CREG1: variants seen among roughly 807,000 people sequenced by gnomAD.
CREG1 encodes protein CREG1.
CREG1 carries 20 observed loss-of-function variants against 19.9 expected under a neutral mutation model. The ratio of observed to expected loss-of-function variants is 1.01; its 90% CI spans 0.71 to 1.46. CREG1 has a LOEUF of 1.46. CREG1 is among the 40% of genes most tolerant of loss of function. CREG1 has a pLI of 0.00. For missense variants in CREG1, 290 were observed against 314.9 expected (o/e 0.92, Z 0.60); for synonymous variants, 141 against 143.3 (o/e 0.98, Z 0.12).
chr1:167,541,921 A>T lies in CREG1; in HGVS notation c.*377T>A, dbSNP rs774168917. On this transcript the variant is annotated 3_prime_UTR_variant, in exon 4 of 4. Transcript: ENST00000370509. ...TCTACCAAGCACAGTGGCTTCTAGG[A>T]ATAAAGAACACATACTCAACTACCT... 21 of 168,378 alleles carry T rather than the reference A, an allele frequency of 1.2e-4. No homozygotes were observed. Among genetic ancestry groups the T allele is most frequent in the Non-Finnish European group, 2.4e-4 (19 of 78,654 alleles). The allele number at this position is 168,378 out of a possible 1,614,324, so 10.4% of individuals were successfully genotyped here.
rs908640832 is a variant in CREG1 at position 167,541,672 on chromosome 1, T to G, written c.*626A>C. 2 of 152,220 alleles carry G rather than the reference T, an allele frequency of 1.3e-5. No homozygotes were observed. The highest frequency in any genetic ancestry group is 2.9e-5 in the Non-Finnish European group (2 of 68,038). 9.4% of individuals were successfully genotyped at this position (152,220 alleles called of 1,614,324 possible). The stretch of plus-strand genomic sequence containing the variant: ...TTGTTCTGAGTATCACTTTAGAGTA[T>G]AAAAAGTTTTTCAAAAGTTCTTTAT... On this transcript the variant is annotated 3_prime_UTR_variant, in exon 4 of 4. Transcript: ENST00000370509.
chr1:167,542,389 A>C, intron 3 of CREG1, 88 bp from the exon 4 acceptor site: 1 of 1,258,330 alleles, frequency 7.9e-7, no homozygotes, highest in Non-Finnish European at 1.1e-6. Flanking sequence ...GACTAGATAA[A>C]ATTTCTGATC....
chr1:167,551,452 C>T (rs998436244), intron 1 of CREG1, among the ~76,000 whole-genome samples: 1 of 152,282 alleles, frequency 6.6e-6, no homozygotes, highest in South Asian at 2.1e-4. Flanking sequence ...CTTGCCACTG[C>T]CCTGTCTATT....
intron 1 of CREG1, among the ~76,000 whole-genome samples, chr1:167,552,001 C>T (rs1249148203): frequency 2.0e-5 from 3 of 152,150 alleles, no homozygotes; most frequent in Non-Finnish European, 4.4e-5. Flanking sequence ...AAAGTAAAAT[C>T]TAAATTTTAA....
In CREG1 at chr1:167,542,322, G is replaced by C. The variant is rs761052960; in HGVS notation, c.660-21C>G. ...TTCACCTAGAAAGGGGAACAGAGAA[G>C]AATTATTTTGTTAAACTGGGTTAAC... is the stretch of plus-strand genomic sequence containing the variant. On this transcript the variant is annotated intron_variant, in intron 3 of 3. Transcript: ENST00000370509. 4 of 1,596,630 alleles carry C rather than the reference G, an allele frequency of 2.5e-6. No homozygotes were observed. In the Admixed American group the frequency reaches 5.3e-5, roughly 21 times the overall value.
intron 2 of CREG1, among the ~76,000 whole-genome samples, chr1:167,546,597 G>A (rs1198704225): frequency 6.6e-6 from 1 of 151,924 alleles, no homozygotes; most frequent in Non-Finnish European, 1.5e-5. Context: ...AGCCGAGATC[G>A]TGCCACTGCA....
At position 167,546,255 on chromosome 1, in the gene CREG1, GC is replaced by G; in HGVS notation, c.504del (p.Lys168AsnfsTer11). 1 of 1,607,686 alleles carries G rather than the reference GC, an allele frequency of 6.2e-7. No homozygotes were observed. Among genetic ancestry groups the G allele is most frequent in the Non-Finnish European group, 8.5e-7 (1 of 1,177,276 alleles). On this transcript the variant is annotated frameshift_variant, in exon 3 of 4. Coordinates refer to ENST00000370509, the MANE Select transcript of CREG1 (RefSeq NM_003851.3). LOFTEE classifies it high-confidence loss of function. ...TCAGGGTGTCGAATGAATAACGAAT[GC>G]TTTGCAATATCCATTTCTGTTTCAT... Reference protein sequence around the residue: ...KVNETEMDIAKHSLFIRHPEM... With the variant: ...KVNETEMDIAXHSLFIRHPEM...
intron 2 of CREG1, among the ~76,000 whole-genome samples, chr1:167,547,637 T>A (rs1016090427): frequency 6.6e-6 from 1 of 152,148 alleles, no homozygotes; most frequent in Non-Finnish European, 1.5e-5. Flanking sequence ...AAAGATCTAT[T>A]CTGCCAGGCA....
rs978915194 is a variant in CREG1 at position 167,541,473 on chromosome 1, T to C, written c.*825A>G. ...TTTGTCCCTGGCTGAAGCTGGTCCATGCCTGGGTAAACTTTACTTATAAAA... is the reference window on the plus strand; with the variant it reads ...TTTGTCCCTGGCTGAAGCTGGTCCACGCCTGGGTAAACTTTACTTATAAAA... On this transcript the variant is annotated 3_prime_UTR_variant, in exon 4 of 4. Coordinates refer to ENST00000370509, the MANE Select transcript of CREG1 (RefSeq NM_003851.3). 18 of 152,220 alleles carry C rather than the reference T, an allele frequency of 1.2e-4. No individual in the cohort carries two copies. Among genetic ancestry groups the C allele is most frequent in the African/African-American group, 4.3e-4 (18 of 41,446 alleles). 9.4% of individuals were successfully genotyped at this position (152,220 alleles called of 1,614,324 possible).
intron 3 of CREG1, among the ~76,000 whole-genome samples, chr1:167,545,731 A>G (rs902638949): frequency 1.4e-4 from 21 of 152,062 alleles, no homozygotes; most frequent in Admixed American, 1.3e-4. Context: ...GTTTGAACCC[A>G]GTAGGTGGAG....
chr1:167,553,712 G>A lies in CREG1; in HGVS notation c.30C>T (p.Arg10=). The A allele has an allele frequency of 7.7e-7, 1 of 1,296,812 alleles. No homozygotes were observed. The highest frequency in any genetic ancestry group is 9.7e-7 in the Non-Finnish European group (1 of 1,027,758). 80.3% of individuals were successfully genotyped at this position (1,296,812 alleles called of 1,614,324 possible). A position where few individuals can be genotyped will look rare whatever the true frequency, so the allele number is the denominator to read the frequency against. MAGLSRGSA[R]ALLAALLAST... ...ACGCCAGCAGGGCGGCGAGCAGTGC[G>A]CGCGCGGACCCGCGGGATAGCCCGG... The change falls in exon 1 of 4, where the codon CGC becomes CGT. Residue 10 remains arginine, a synonymous_variant. Transcript: ENST00000370509.
chr1:167,549,057 A>G (rs553991529), intron 1 of CREG1, among the ~76,000 whole-genome samples: 33 of 152,210 alleles, frequency 2.2e-4, no homozygotes, highest in Non-Finnish European at 3.1e-4. Flanking sequence ...GCTTTATAAT[A>G]TATTCAAAAC....
rs1183838531 is a variant in CREG1, at chr1:167,553,374, G to C, written c.354+14C>G. 2.2e-6 allele frequency: 3 copies of C among 1,361,624 alleles called. No homozygotes were observed. Among genetic ancestry groups the C allele is most frequent in the Non-Finnish European group, 2.8e-6 (3 of 1,057,820 alleles). The allele number at this position is 1,361,624 out of a possible 1,614,324, so 84.3% of individuals were successfully genotyped here. On this transcript the variant is annotated intron_variant, in intron 1 of 3. Coordinates refer to ENST00000370509, the MANE Select transcript of CREG1 (RefSeq NM_003851.3). ...CCCACAGCCCGCCTGGGGAAGCCGC[G>C]GGCCCCAGCTCACCTGCAGGTTGCT... is the stretch of plus-strand genomic sequence containing the variant.
chr1:167,549,388 T>C (rs1656384220), intron 1 of CREG1, among the ~76,000 whole-genome samples: 1 of 33,982 alleles, frequency 2.9e-5, no homozygotes, highest in African/African-American at 1.3e-4. Flanking sequence ...CAATTTTTTT[T>C]TGTTTTTTTT....
At chr1:167,551,619 A>G (rs1656423858) in intron 1 of CREG1, among the ~76,000 whole-genome samples, 1 of 152,212 alleles carries the variant, frequency 6.6e-6, no homozygotes, top group Non-Finnish European at 1.5e-5. Context: ...AAATTTAAAT[A>G]TGATTATGTA....
chr1:167,546,418 C>T lies in CREG1; in HGVS notation c.475-133G>A, dbSNP rs556249761. On this transcript the variant is annotated intron_variant, in intron 2 of 3. Coordinates refer to ENST00000370509, the MANE Select transcript of CREG1 (RefSeq NM_003851.3). ...CAGCACTTTGGAAGGCCAAGGCGGG[C>T]GGATCACGAGGTCAGGAGACTCAGA... 1.0e-4 allele frequency: 55 copies of T among 543,442 alleles called. 1 individual carries two copies. The highest frequency in any genetic ancestry group is 5.3e-4 in the East Asian group (16 of 30,090). The allele number at this position is 543,442 out of a possible 1,614,324, so 33.7% of individuals were successfully genotyped here.
intron 1 of CREG1, among the ~76,000 whole-genome samples, chr1:167,548,960 C>T (rs144033999): frequency 3.5e-4 from 53 of 152,256 alleles, no homozygotes; most frequent in African/African-American, 1.2e-3. Flanking sequence ...CTCTCTCCCT[C>T]CGTGAGTTTA....
In CREG1 at chr1:167,541,934, T is replaced by C. The variant is rs536222141; in HGVS notation, c.*364A>G. ...GTGGCTTCTAGGAATAAAGAACACA[T>C]ACTCAACTACCTTCAAATGCCAATG... On this transcript the variant is annotated 3_prime_UTR_variant, in exon 4 of 4. Transcript: ENST00000370509. The C allele has an allele frequency of 5.5e-6, 1 of 180,800 alleles. No homozygotes were observed. Among genetic ancestry groups the C allele is most frequent in the South Asian group, 1.4e-4 (1 of 7,038 alleles). The allele number at this position is 180,800 out of a possible 1,614,324, so 11.2% of individuals were successfully genotyped here.
Position 167,553,411 on chromosome 1 carries a change from G to A in CREG1, c.331C>T (p.Gln111Ter). The A allele has an allele frequency of 6.9e-7, 1 of 1,451,578 alleles. No individual in the cohort carries two copies. Among genetic ancestry groups the A allele is most frequent in the Non-Finnish European group, 9.0e-7 (1 of 1,107,226 alleles). 89.9% of individuals were successfully genotyped at this position (1,451,578 alleles called of 1,614,324 possible). Residue 111 changes from glutamine to a stop codon, truncating the protein, a stop_gained, in exon 1 of 4, where the codon CAG becomes TAG. Coordinates refer to ENST00000370509, the MANE Select transcript of CREG1 (RefSeq NM_003851.3). LOFTEE classifies it high-confidence loss of function. Reference protein sequence around the residue: ...GVPYFYLSPLQLSVSNLQENP... With the variant: ...GVPYFYLSPL ...ACCTGCAGGTTGCTCACGGAGAGCT[G>A]CAGCGGGCTCAGGTAGAAATAGGGC...
Sources: gnomAD v4.1 joint callset for allele counts (sites outside exome capture counted in the v4.1 genomes callset) on GRCh38, gnomAD v4.1.1 for gene constraint, MANE v1.5 for transcripts, NCBI Gene and HGNC (gene_info 2026-07-23, HGNC 2026-07-21) for gene names.